TSPAN18: variants seen among roughly 807,000 people sequenced by gnomAD.
TSPAN18 encodes the protein tetraspanin-18.
TSPAN18 carries 14 observed loss-of-function variants against 27.3 expected under a neutral mutation model. The observed-to-expected ratio is 0.51, with a 90% CI of 0.34 to 0.80. The LOEUF is 0.80. Ranked by LOEUF, TSPAN18 falls within the 30% of genes least tolerant of loss-of-function variation. The pLI, the probability that TSPAN18 is intolerant of heterozygous loss-of-function variation, is 0.01. For synonymous variants in TSPAN18, 143 were observed against 136.5 expected (o/e 1.05, Z -0.33); for missense variants, 268 against 323.9 (o/e 0.83, Z 1.32).
chr11:44,877,910 G>A (rs1858381548), intron 3 of TSPAN18, among the ~76,000 whole-genome samples: 1 of 151,868 alleles, frequency 6.6e-6, no homozygotes, highest in Non-Finnish European at 1.5e-5. Context: ...CACTGCTCCT[G>A]GCCTAATACC....
At chr11:44,901,291 T>C (rs1468008936) in intron 3 of TSPAN18, 1 of 152,156 alleles carries the variant, frequency 6.6e-6, no homozygotes, top group East Asian at 1.9e-4. Flanking sequence ...AGCCCAGCAC[T>C]CCGCAAGCCC....
At chr11:44,749,307 G>T (rs1855154286) in intron 1 of TSPAN18, among the ~76,000 whole-genome samples, 1 of 152,240 alleles carries the variant, frequency 6.6e-6, no homozygotes, top group South Asian at 2.1e-4. Flanking sequence ...CAAGATTGCT[G>T]GGAGGCATGA....
In TSPAN18 at chr11:44,893,920, T is replaced by C. The variant is rs115285433; in HGVS notation, c.-10-12487T>C. 2.4e-3 allele frequency among the ~76,000 whole-genome samples: 364 copies of C among 152,312 alleles called. 2 individuals are homozygous for C. Among genetic ancestry groups the C allele is most frequent in the African/African-American group, 8.4e-3 (349 of 41,586 alleles). On this transcript the variant is annotated intron_variant, in intron 3 of 9. Coordinates refer to ENST00000520358, the MANE Select transcript of TSPAN18 (RefSeq NM_130783.5). ...TGGCAGTCAGGGTTTCGTTTCTGTA[T>C]CTTGCCTGGCAAGCCCAGGACACTG...
At chr11:44,741,092 C>T (rs1015580827) in intron 1 of TSPAN18, among the ~76,000 whole-genome samples, 1 of 152,110 alleles carries the variant, frequency 6.6e-6, no homozygotes, top group Non-Finnish European at 1.5e-5. Flanking sequence ...GGGAACATGA[C>T]CTCGGAGCCT....
chr11:44,790,593 CGTGTGTGTGCATGTGTTCGTGT>C (rs1456815668), intron 2 of TSPAN18, among the ~76,000 whole-genome samples: 2 of 132,566 alleles, frequency 1.5e-5, no homozygotes, highest in African/African-American at 5.6e-5. Flanking sequence ...TGCATGTGTT[CGTGTGTGTGCATGTGTTCGTGT>C]GTGTGTGTGC....
At position 44,856,154 on chromosome 11, in the gene TSPAN18, A is replaced by T. The variant is rs184351194; in HGVS notation, c.-152-4174A>T. Among the ~76,000 whole-genome samples, 3 of 152,186 alleles carry T rather than the reference A, an allele frequency of 2.0e-5. No homozygotes were observed. The East Asian group carries it at 5.8e-4, about 30-fold the overall frequency. ...CGCCTCAGCCTCCTAAACTACTGGGATTACAGGCATGAGCCACCGTGCCCA... is the reference window on the plus strand; with the variant it reads ...CGCCTCAGCCTCCTAAACTACTGGGTTTACAGGCATGAGCCACCGTGCCCA... On this transcript the variant is annotated intron_variant, in intron 2 of 9. Coordinates refer to ENST00000520358, the MANE Select transcript of TSPAN18 (RefSeq NM_130783.5).
At chr11:44,831,919 T>C (rs764370487) in intron 2 of TSPAN18, among the ~76,000 whole-genome samples, 4 of 151,988 alleles carry the variant, frequency 2.6e-5, no homozygotes, top group African/African-American at 4.8e-5. Flanking sequence ...TGAGCTAAGA[T>C]CCAGGATAAG....
chr11:44,880,642 G>A (rs1858465038), intron 3 of TSPAN18, among the ~76,000 whole-genome samples: 2 of 152,220 alleles, frequency 1.3e-5, no homozygotes, highest in Admixed American at 6.5e-5. Flanking sequence ...AAGCCACCGT[G>A]TAATATTGCC....
intron 2 of TSPAN18, among the ~76,000 whole-genome samples, chr11:44,856,789 G>A (rs988552785): frequency 6.6e-6 from 1 of 152,102 alleles, no homozygotes; most frequent in African/African-American, 2.4e-5. Flanking sequence ...CAAATTTCGG[G>A]AAATACTTGT....
At chr11:44,919,150 C>T (rs545430461) in intron 6 of TSPAN18, 64 bp from the exon 7 acceptor site, 109 of 1,302,126 alleles carry the variant, frequency 8.4e-5, no homozygotes, top group African/African-American at 1.9e-4. Context: ...GATGGAGAGA[C>T]GATGGAGGGT....
At position 44,803,407 on chromosome 11, in the gene TSPAN18, A is replaced by G. The variant is rs1343186926; in HGVS notation, c.-153+38895A>G. Among the ~76,000 whole-genome samples the G allele has an allele frequency of 2.6e-5, 4 of 152,152 alleles. No homozygotes were observed. The South Asian group carries it at 8.3e-4, about 32-fold the overall frequency. ...TGGGGATTCTGGGAACATGTACAGG[A>G]GTAGGGAAACATTAAATCAGAGAGG... On this transcript the variant is annotated intron_variant, in intron 2 of 9. Coordinates refer to ENST00000520358, the MANE Select transcript of TSPAN18 (RefSeq NM_130783.5).
chr11:44,887,334 C>T (rs1858689350), intron 3 of TSPAN18, among the ~76,000 whole-genome samples: 1 of 152,216 alleles, frequency 6.6e-6, no homozygotes, highest in Non-Finnish European at 1.5e-5. Context: ...ACGTCCTTAA[C>T]CCAGTGCCTG....
chr11:44,928,619 C>T (rs1442752174), intron 9 of TSPAN18, among the ~76,000 whole-genome samples: 1 of 152,182 alleles, frequency 6.6e-6, no homozygotes, highest in African/African-American at 2.4e-5. Context: ...AACCCTGTCT[C>T]TACTAAAAAT....
At chr11:44,884,367 C>A (rs947320295) in intron 3 of TSPAN18, among the ~76,000 whole-genome samples, 1 of 152,170 alleles carries the variant, frequency 6.6e-6, no homozygotes, top group African/African-American at 2.4e-5. Flanking sequence ...CTCTGGCAAC[C>A]CTTATGCAGC....
chr11:44,737,232 A>G (rs1309438831), intron 1 of TSPAN18, among the ~76,000 whole-genome samples: 1 of 152,226 alleles, frequency 6.6e-6, no homozygotes, highest in African/African-American at 2.4e-5. Context: ...GAAAATGCTC[A>G]GGGCATCCAG....
At chr11:44,903,297 C>G (rs1859332556) in intron 3 of TSPAN18, 1 of 395,596 alleles carries the variant, frequency 2.5e-6, no homozygotes, top group Non-Finnish European at 5.1e-6. Flanking sequence ...GTTGGAAAGG[C>G]AATCCAAACA....
At chr11:44,866,544 C>A (rs150619486) in intron 3 of TSPAN18, among the ~76,000 whole-genome samples, 1 of 152,320 alleles carries the variant, frequency 6.6e-6, no homozygotes, top group African/African-American at 2.4e-5. Context: ...GTTGCAACTC[C>A]GAGCTATGAG....
intron 2 of TSPAN18, among the ~76,000 whole-genome samples, chr11:44,791,507 T>C (rs1402443727): frequency 1.3e-5 from 2 of 152,172 alleles, no homozygotes; most frequent in Non-Finnish European, 2.9e-5. Context: ...GTGGGGCATT[T>C]GTTTCCATTC....
intron 3 of TSPAN18, among the ~76,000 whole-genome samples, chr11:44,890,107 C>T (rs1165121656): frequency 6.6e-6 from 1 of 152,212 alleles, no homozygotes; most frequent in Non-Finnish European, 1.5e-5. Context: ...TGTCCCTCTG[C>T]TGAGAGCTGG....
Sources: allele counts gnomAD v4.1 joint callset (sites outside exome capture counted in the v4.1 genomes callset), GRCh38; gene constraint gnomAD v4.1.1; transcripts MANE v1.5; gene names NCBI Gene and HGNC (gene_info 2026-07-23, HGNC 2026-07-21).